ANO2: variants seen among roughly 807,000 people sequenced by gnomAD.
The protein encoded by ANO2 is anoctamin-2.
Under a neutral mutation model 124.2 loss-of-function variants are expected in ANO2, and 101 were observed. That is an observed-to-expected ratio of 0.81 (90% CI 0.69 to 0.96). The LOEUF is 0.96. ANO2 is among the 40% of genes least tolerant of loss of function. ANO2 has a pLI of 0.00. For synonymous variants in ANO2, 486 were observed against 482.5 expected, an observed-to-expected ratio of 1.01 and a Z score of -0.09; for missense variants, 1,293 against 1,274.5, an observed-to-expected ratio of 1.01 and a Z score of -0.22.
chr12:5,668,191 T>A (rs766740258), intron 14 of ANO2, among the ~76,000 whole-genome samples: 4 of 152,238 alleles, frequency 2.6e-5, no homozygotes, highest in Non-Finnish European at 5.9e-5. Context: ...CGTTCCTGTT[T>A]CTCTGCAACC....
At chr12:5,836,107 C>T (rs138011600) in intron 4 of ANO2, among the ~76,000 whole-genome samples, 342 of 152,340 alleles carry the variant, frequency 2.2e-3, no homozygotes, top group African/African-American at 7.3e-3. Context: ...CCACTCCTCT[C>T]CGTCTCCACC....
chr12:5,602,791 G>C (rs11063776), intron 19 of ANO2, among the ~76,000 whole-genome samples: 2 of 137,530 alleles, frequency 1.5e-5, no homozygotes, highest in Admixed American at 1.5e-4. Flanking sequence ...AACAAACATA[G>C]ATCCTCTACA....
chr12:5,698,960 A>T (rs370688154), intron 14 of ANO2, among the ~76,000 whole-genome samples: 1 of 152,232 alleles, frequency 6.6e-6, no homozygotes, highest in Non-Finnish European at 1.5e-5. Flanking sequence ...CCAAATCTAC[A>T]TCTGATTGGT....
rs528426966 is a variant in ANO2 at position 5,658,192 on chromosome 12, C to A, written c.1546-10391G>T. Reference sequence around the variant, plus strand: ...ATTCCCAGCTTGCACGCTAATTGAACGTGTGACTTCAGGCATGTTACCAAC... The same window carrying A: ...ATTCCCAGCTTGCACGCTAATTGAAAGTGTGACTTCAGGCATGTTACCAAC... On this transcript the variant is annotated intron_variant, in intron 14 of 24. Coordinates refer to ENST00000682330, the MANE Select transcript of ANO2 (RefSeq NM_001364791.2). This position sits in a 1 kb window ranked among gnomAD's most constrained non-coding sequence, Gnocchi z 4.3. 3.3e-5 allele frequency among the ~76,000 whole-genome samples: 5 copies of A among 152,116 alleles called. No individual in the cohort carries two copies. Among genetic ancestry groups the A allele is most frequent in the African/African-American group, 7.2e-5 (3 of 41,434 alleles).
intron 10 of ANO2, among the ~76,000 whole-genome samples, chr12:5,771,851 A>C (rs1198899494): frequency 6.6e-6 from 1 of 152,242 alleles, no homozygotes; most frequent in Non-Finnish European, 1.5e-5. Flanking sequence ...TTCACAACAG[A>C]AAAGACAGCG....
intron 19 of ANO2, among the ~76,000 whole-genome samples, chr12:5,610,829 C>CACAT (rs1411882807): frequency 4.5e-4 from 63 of 140,734 alleles, no homozygotes; most frequent in African/African-American, 1.6e-3. Context: ...TACACACACA[C>CACAT]ACACACACAC....
At chr12:5,639,188 A>G (rs1244613045) in intron 15 of ANO2, among the ~76,000 whole-genome samples, 1 of 152,216 alleles carries the variant, frequency 6.6e-6, no homozygotes, top group Admixed American at 6.5e-5. Context: ...AGCAATGCAC[A>G]AGGCACAAGT....
In ANO2 at chr12:5,941,313, AT is replaced by A. The variant is rs1278602395; in HGVS notation, c.22+3882del. ...GGAATTCCTAGAATTAAAAATTACA[AT>A]TATGGAAAAGAAAAATCCATTGGGT... On this transcript the variant is annotated intron_variant, in intron 1 of 24. Coordinates refer to ENST00000682330, the MANE Select transcript of ANO2 (RefSeq NM_001364791.2). Among the ~76,000 whole-genome samples, 4 of 152,350 alleles carry A rather than the reference AT, an allele frequency of 2.6e-5. No individual in the cohort carries two copies. In the East Asian group the frequency reaches 7.7e-4, roughly 29 times the overall value.
chr12:5,798,637 T>C (rs773395286), intron 10 of ANO2, among the ~76,000 whole-genome samples: 1 of 152,180 alleles, frequency 6.6e-6, no homozygotes, highest in Non-Finnish European at 1.5e-5. Context: ...CGGCCCATCT[T>C]TTCCAAATGA....
chr12:5,649,567 TTC>T (rs1227210705), intron 14 of ANO2, among the ~76,000 whole-genome samples: 1 of 152,164 alleles, frequency 6.6e-6, no homozygotes, highest in Admixed American at 6.5e-5. Flanking sequence ...TCAGTATTAA[TTC>T]TTAGTTTCAC....
At position 5,658,437 on chromosome 12, in the gene ANO2, T is replaced by C. The variant is rs78805612; in HGVS notation, c.1546-10636A>G. On this transcript the variant is annotated intron_variant, in intron 14 of 24. Coordinates refer to ENST00000682330, the MANE Select transcript of ANO2 (RefSeq NM_001364791.2). The surrounding 1 kb of genome is among the most constrained non-coding windows in gnomAD (Gnocchi z 4.3). ...ATCATCATAACCATACCATCAAAAT[T>C]AACATAATCATCAACATCATCATCA... Among the ~76,000 whole-genome samples, 5 of 118,658 alleles carry C rather than the reference T, an allele frequency of 4.2e-5. No homozygotes were observed. The highest frequency in any genetic ancestry group is 9.2e-5 in the Non-Finnish European group (5 of 54,368). 77.8% of individuals were successfully genotyped at this position (118,658 alleles called of 152,430 possible).
intron 4 of ANO2, among the ~76,000 whole-genome samples, chr12:5,834,416 G>T (rs74847072): frequency 0.021 from 3,188 of 152,258 alleles, 120 homozygotes; most frequent in African/African-American, 0.071. Context: ...GATAGGATGA[G>T]AAAATGCCAC....
intron 10 of ANO2, among the ~76,000 whole-genome samples, chr12:5,774,172 G>C (rs552226144): frequency 6.6e-6 from 1 of 152,266 alleles, no homozygotes; most frequent in South Asian, 2.1e-4. Flanking sequence ...AGTTGTTCTT[G>C]GGCAGGACGC....
At chr12:5,740,097 T>C (rs1951037291) in intron 12 of ANO2, 4 of 411,784 alleles carry the variant, frequency 9.7e-6, no homozygotes, top group Admixed American at 2.6e-5. Context: ...TTTCTCAGCA[T>C]GCTCTAGGAA....
chr12:5,862,558 A>T lies in ANO2; in HGVS notation c.535-8417T>A, dbSNP rs1955303149. 6.6e-6 allele frequency among the ~76,000 whole-genome samples: 1 copy of T among 152,208 alleles called. No individual in the cohort carries two copies. Among genetic ancestry groups the T allele is most frequent in the Non-Finnish European group, 1.5e-5 (1 of 68,040 alleles). On this transcript the variant is annotated intron_variant, in intron 3 of 24. Coordinates refer to ENST00000682330, the MANE Select transcript of ANO2 (RefSeq NM_001364791.2). This position sits in a 1 kb window ranked among gnomAD's most constrained non-coding sequence, Gnocchi z 4.0. Reference sequence around the variant, plus strand: ...ACAACTCCTCAAAGCCCAAGTGAAGAGGAAGCAGTGAGGGGAGCCCAGGGA... The same window carrying T: ...ACAACTCCTCAAAGCCCAAGTGAAGTGGAAGCAGTGAGGGGAGCCCAGGGA...
At chr12:5,941,850 A>T (rs1799633447) in intron 1 of ANO2, among the ~76,000 whole-genome samples, 1 of 152,230 alleles carries the variant, frequency 6.6e-6, no homozygotes, top group African/African-American at 2.4e-5. Flanking sequence ...CAAAAGAGTG[A>T]TACCCAGAGG....
intron 14 of ANO2, among the ~76,000 whole-genome samples, chr12:5,666,815 G>T (rs1319400916): frequency 3.3e-5 from 4 of 120,672 alleles, no homozygotes; most frequent in Non-Finnish European, 6.4e-5. Flanking sequence ...AGAATGCCCT[G>T]CCTGATGGGA....
chr12:5,565,488 G>T, intron 24 of ANO2, 70 bp downstream of exon 24: 1 of 1,317,212 alleles, frequency 7.6e-7, no homozygotes, highest in Non-Finnish European at 1.1e-6. Flanking sequence ...GTAGGTGCAA[G>T]CAATGAGTGC....
intron 19 of ANO2, among the ~76,000 whole-genome samples, chr12:5,601,293 G>A (rs7971584): frequency 0.16 from 24,939 of 152,070 alleles, 2,456 homozygotes; most frequent in Non-Finnish European, 0.22. Flanking sequence ...GATAAATAAA[G>A]ATAGACAAAT....
Sources: allele counts gnomAD v4.1 joint callset (sites outside exome capture counted in the v4.1 genomes callset), GRCh38; gene constraint gnomAD v4.1.1; non-coding constraint Gnocchi (gnomAD v3.1); transcripts MANE v1.5; gene names NCBI Gene and HGNC (gene_info 2026-07-23, HGNC 2026-07-21).